Variants in GARS1 observed in about 807,000 individuals in gnomAD.
GARS1 encodes the protein glycine--tRNA ligase.
Under a neutral mutation model 86.4 loss-of-function variants are expected in GARS1, and 46 were observed. The ratio of observed to expected loss-of-function variants is 0.53; its 90% CI spans 0.42 to 0.68. GARS1 has a LOEUF of 0.68. Ranked by LOEUF, GARS1 falls within the 30% of genes least tolerant of loss-of-function variation. The probability of loss-of-function intolerance (pLI) is 0.00; values close to 1 mark genes in which losing one functional copy is unlikely to be tolerated. For missense variants in GARS1, 797 were observed against 915.6 expected, an observed-to-expected ratio of 0.87 and a Z score of 1.67; for synonymous variants, 342 against 329.8, an observed-to-expected ratio of 1.04 and a Z score of -0.40.
chr7:30,621,640 T>A, intron 11 of GARS1, 140 bp downstream of exon 11: 1 of 742,988 alleles, frequency 1.3e-6, no homozygotes, highest in East Asian at 2.5e-5. Flanking sequence ...AACCTATTAT[T>A]TTACCTATCC....
In GARS1 at chr7:30,595,136, G is replaced by A; in HGVS notation, c.215G>A (p.Arg72His). Residue 72 changes from arginine (R) to histidine (H), a missense_variant, in exon 1 of 17, where the codon CGC becomes CAC. Coordinates refer to ENST00000389266, the MANE Select transcript of GARS1 (RefSeq NM_002047.4). The stretch of plus-strand genomic sequence containing the variant: ...CTGGCACCTCTGAGGCTAGCAGTGC[G>A]CCAGCAGGTACCGGTGTTTTGCGCT... ...EVLAPLRLAV[R>H]QQGDLVRKLK... The A allele has an allele frequency of 6.5e-7, 1 of 1,537,600 alleles. No homozygotes were observed. Among genetic ancestry groups the A allele is most frequent in the South Asian group, 1.2e-5 (1 of 84,126 alleles).
At chr7:30,602,898 A>T (rs1279133360) in intron 4 of GARS1, 136 bp from the exon 5 acceptor site, 5 of 722,922 alleles carry the variant, frequency 6.9e-6, no homozygotes, top group Non-Finnish European at 1.3e-5. Context: ...ACTGTCATGG[A>T]TACATCATTA....
In GARS1 at chr7:30,594,913, C is replaced by G. The variant is rs568199609; in HGVS notation, c.-9C>G. 1.9e-6 allele frequency: 3 copies of G among 1,562,816 alleles called. No homozygotes were observed. The highest frequency in any genetic ancestry group is 2.6e-6 in the Non-Finnish European group (3 of 1,161,146). ...CCACCCTCTCTGGACAGCCCAGGGC[C>G]GCAGGCTCATGCCCTCTCCGCGTCC... is the stretch of plus-strand genomic sequence containing the variant. On this transcript the variant is annotated 5_prime_UTR_variant, in exon 1 of 17. Coordinates refer to ENST00000389266, the MANE Select transcript of GARS1 (RefSeq NM_002047.4).
At chr7:30,618,910 C>G (rs2128134839) in intron 10 of GARS1, among the ~76,000 whole-genome samples, 1 of 152,294 alleles carries the variant, frequency 6.6e-6, no homozygotes, top group African/African-American at 2.4e-5. Context: ...TATGGGTGAT[C>G]ATTAATTTCT....
At chr7:30,599,664 A>G (rs1791334023) in intron 2 of GARS1, among the ~76,000 whole-genome samples, 1 of 152,126 alleles carries the variant, frequency 6.6e-6, no homozygotes, top group African/African-American at 2.4e-5. Context: ...CGGCCTCCCA[A>G]AGTACTGGGA....
chr7:30,633,617 C>G (rs1783278881), intron 16 of GARS1, 118 bp from the exon 17 acceptor site: 1 of 1,227,284 alleles, frequency 8.1e-7, no homozygotes, highest in Non-Finnish European at 1.2e-6. Flanking sequence ...GAGCATGAAC[C>G]CATGCCTGGC....
In GARS1 at chr7:30,609,635, T is replaced by C. The variant is rs886043231; in HGVS notation, c.786T>C (p.Asn262=). ...TTGCGGATCTTTTTGTGAACTATAA[T>C]GTAAAATCTCCCATTACTGGAAATG... ...QELADLFVNY[N]VKSPITGNDL... The change falls in exon 7 of 17, where the codon AAT becomes AAC. Residue 262 remains asparagine (N), a synonymous_variant. Transcript: ENST00000389266. 11 of 1,613,094 alleles carry C rather than the reference T, an allele frequency of 6.8e-6. No individual in the cohort carries two copies. The highest frequency in any genetic ancestry group is 1.3e-5 in the African/African-American group (1 of 74,918).
At position 30,603,523 on chromosome 7, in the gene GARS1, A is replaced by G. The variant is rs1364741286; in HGVS notation, c.686A>G (p.Lys229Arg). 1 of 1,613,964 alleles carries G rather than the reference A, an allele frequency of 6.2e-7. No individual in the cohort carries two copies. Among genetic ancestry groups the G allele is most frequent in the South Asian group, 1.1e-5 (1 of 91,074 alleles). ...CATTTACAGAAATTGATGTCTGATA[A>G]GAAGTGTTCTGTCGAAAAGAAATCA... ...KAHLQKLMSD[K>R]KCSVEKKSEM... Residue 229 changes from lysine (K) to arginine (R), a missense_variant, in exon 6 of 17, where the codon AAG (lysine) becomes AGG (arginine). Physicochemically the swap from Lys to Arg is conservative, Grantham distance 26. Around this residue, in one of 2 missense-constraint regions of GARS1, gnomAD observed 598 missense variants for 738.7 expected, o/e 0.81. Coordinates refer to ENST00000389266, the MANE Select transcript of GARS1 (RefSeq NM_002047.4).
At position 30,616,027 on chromosome 7, in the gene GARS1, G is replaced by A. The variant is rs17159287; in HGVS notation, c.1163G>A (p.Arg388Gln). 1.6e-3 allele frequency: 2,552 copies of A among 1,614,150 alleles called. 28 individuals are homozygous for A. The African/African-American group carries it at 0.027, about 17-fold the overall frequency. Residue 388 changes from arginine (R) to glutamine (Q), a missense_variant, in exon 9 of 17, where the codon CGG becomes CAG. Coordinates refer to ENST00000389266, the MANE Select transcript of GARS1 (RefSeq NM_002047.4). ...GCCCAGGTCAGCGGACAGTCCGCTC[G>A]GAAAATGCGCCTGGGAGATGCTGTT... is the stretch of plus-strand genomic sequence containing the variant. ...AKAQVSGQSA[R>Q]KMRLGDAVEQ...
chr7:30,630,614 A>G (rs1056071052), intron 14 of GARS1, among the ~76,000 whole-genome samples: 1 of 151,064 alleles, frequency 6.6e-6, no homozygotes, highest in Non-Finnish European at 1.5e-5. Context: ...GGGCTCAAGC[A>G]ATCCTCCTGC....
At chr7:30,619,651 T>C (rs1782961418) in intron 10 of GARS1, among the ~76,000 whole-genome samples, 1 of 152,190 alleles carries the variant, frequency 6.6e-6, no homozygotes, top group Admixed American at 6.5e-5. Flanking sequence ...TGTTCTTTAA[T>C]TCCTTTTGTT....
At chr7:30,600,939 T>A in intron 3 of GARS1, 120 bp from the exon 4 acceptor site, 1 of 907,030 alleles carries the variant, frequency 1.1e-6, no homozygotes, top group Non-Finnish European at 1.8e-6. Context: ...TATTGAGGGA[T>A]TTGCATTGTT....
intron 8 of GARS1, among the ~76,000 whole-genome samples, chr7:30,613,034 C>T (rs1245984442): frequency 6.6e-6 from 1 of 152,116 alleles, no homozygotes; most frequent in Non-Finnish European, 1.5e-5. Context: ...TTTTCCCAGC[C>T]CCAGCGCCCA....
At chr7:30,620,845 C>T (rs1315300318) in intron 10 of GARS1, among the ~76,000 whole-genome samples, 1 of 152,142 alleles carries the variant, frequency 6.6e-6, no homozygotes, top group Non-Finnish European at 1.5e-5. Context: ...GGTACTTCAT[C>T]TAAAGAATAG....
rs541222096 is a variant in GARS1, at chr7:30,626,263, C to A, written c.1643C>A (p.Thr548Lys). ...TTCACAATTGAAACTGAAGGGAAAA[C>A]ATTTCAGTTAACAAAAGACATGATC... ...GEFTIETEGKTFQLTKDMINV... is the reference protein window; with the variant it reads ...GEFTIETEGKKFQLTKDMINV... The change falls in exon 13 of 17, where the codon ACA becomes AAA. Residue 548 changes from threonine to lysine, a missense_variant. By Grantham distance (78) the Thr-to-Lys change is moderately conservative. Transcript: ENST00000389266. 1 of 1,608,232 alleles carries A rather than the reference C, an allele frequency of 6.2e-7. No homozygotes were observed. Among genetic ancestry groups the A allele is most frequent in the Non-Finnish European group, 8.5e-7 (1 of 1,174,814 alleles).
At chr7:30,628,903 A>G (rs780806134) in intron 14 of GARS1, among the ~76,000 whole-genome samples, 1 of 152,204 alleles carries the variant, frequency 6.6e-6, no homozygotes, top group Non-Finnish European at 1.5e-5. Context: ...GGTGCTCTCT[A>G]TTCTTAGACT....
intron 8 of GARS1, chr7:30,614,211 A>G (rs578118889): frequency 6.6e-6 from 1 of 152,080 alleles, no homozygotes; most frequent in African/African-American, 2.4e-5. Flanking sequence ...TAACATAATT[A>G]TCACCTCACA....
chr7:30,630,740 G>T (rs1201317454), intron 14 of GARS1, among the ~76,000 whole-genome samples: 1 of 151,736 alleles, frequency 6.6e-6, no homozygotes, highest in East Asian at 1.9e-4. Flanking sequence ...GAATTCCTGG[G>T]GTCAAGCAAT....
At chr7:30,608,474 A>G (rs1032419625) in intron 6 of GARS1, among the ~76,000 whole-genome samples, 2 of 152,192 alleles carry the variant, frequency 1.3e-5, no homozygotes, top group Non-Finnish European at 2.9e-5. Context: ...TCATTGATCC[A>G]GCCTCTTGGG....
Sources: gnomAD v4.1 joint callset for allele counts (sites outside exome capture counted in the v4.1 genomes callset) on GRCh38, gnomAD v4.1.1 for gene constraint, gnomAD v4.1.1 regional missense constraint, MANE v1.5 for transcripts, NCBI Gene and HGNC (gene_info 2026-07-23, HGNC 2026-07-21) for gene names.